The following BORCS5 variants were observed in gnomAD, a reference collection of about 807,000 sequenced individuals.
The protein encoded by BORCS5 is BLOC-1 related complex subunit 5, also known as BLOC-1-related complex subunit 5.
BORCS5 carries 17 observed loss-of-function variants against 22.1 expected under a neutral mutation model. That is an observed-to-expected ratio of 0.77 (90% confidence interval 0.53 to 1.15). BORCS5 has a LOEUF of 1.15. Ranked by LOEUF, BORCS5 falls within the 50% of genes most tolerant of loss-of-function variation. The probability of loss-of-function intolerance (pLI) is 0.00; values close to 1 mark genes in which losing one functional copy is unlikely to be tolerated. For missense variants in BORCS5, 247 were observed against 253.2 expected, an observed-to-expected ratio of 0.98 and a Z score of 0.17; for synonymous variants, 117 against 99.8, an observed-to-expected ratio of 1.17 and a Z score of -1.03.
At position 12,464,151 on chromosome 12, in the gene BORCS5, C is replaced by T. The variant is rs147194005; in HGVS notation, c.361-1395C>T. 2.9e-3 allele frequency among the ~76,000 whole-genome samples: 443 copies of T among 152,264 alleles called. 3 individuals carry two copies. The highest frequency in any genetic ancestry group is 8.8e-3 in the African/African-American group (367 of 41,562). Reference sequence around the variant, plus strand: ...AGCGCCAGACAGGGCTGCAGAGAACCCCGGAAAGTGTGCATTGTTTCCACA... The same window carrying T: ...AGCGCCAGACAGGGCTGCAGAGAACTCCGGAAAGTGTGCATTGTTTCCACA... On this transcript the variant is annotated intron_variant, in intron 3 of 3. Transcript: ENST00000314565.
chr12:12,414,942 C>G (rs1941890144), intron 2 of BORCS5, among the ~76,000 whole-genome samples: 1 of 138,822 alleles, frequency 7.2e-6, no homozygotes, highest in Non-Finnish European at 1.6e-5. Flanking sequence ...CCCCACATCT[C>G]AGACGATGGG....
intron 2 of BORCS5, among the ~76,000 whole-genome samples, chr12:12,411,104 T>C (rs1941721138): frequency 6.6e-6 from 1 of 152,208 alleles, no homozygotes; most frequent in Admixed American, 6.5e-5. Context: ...AAGTTGCTTA[T>C]CAGCTTAAGG....
At chr12:12,404,161 G>A (rs1018723505) in intron 2 of BORCS5, among the ~76,000 whole-genome samples, 1 of 152,110 alleles carries the variant, frequency 6.6e-6, no homozygotes, top group South Asian at 2.1e-4. Flanking sequence ...TTTGCTCCGG[G>A]TGAGAAATAA....
chr12:12,467,502 C>T lies in BORCS5; in HGVS notation c.*1726C>T, dbSNP rs963960619. ...CCAGCTCTCCAGCCAACTGTGTCTA[C>T]TTCTAAAGTAGAAGTTAGACAAAAC... On this transcript the variant is annotated 3_prime_UTR_variant, in exon 4 of 4. Coordinates refer to ENST00000314565, the MANE Select transcript of BORCS5 (RefSeq NM_058169.6). The T allele has an allele frequency of 2.0e-5, 3 of 152,288 alleles. No homozygotes were observed. Among genetic ancestry groups the T allele is most frequent in the Admixed American group, 1.3e-4 (2 of 15,292 alleles). The allele number at this position is 152,288 out of a possible 1,614,324, so 9.4% of individuals were successfully genotyped here. A position where few individuals can be genotyped will look rare whatever the true frequency, so the allele number is the denominator to read the frequency against.
At chr12:12,456,542 T>G (rs1348793128) in intron 3 of BORCS5, among the ~76,000 whole-genome samples, 1 of 152,242 alleles carries the variant, frequency 6.6e-6, no homozygotes, top group African/African-American at 2.4e-5. Flanking sequence ...TGAAGCACCG[T>G]ACTCTCTTGT....
At position 12,466,430 on chromosome 12, in the gene BORCS5, T is replaced by C. The variant is rs1367265517; in HGVS notation, c.*654T>C. 2.6e-5 allele frequency: 4 copies of C among 152,270 alleles called. No individual in the cohort carries two copies. The East Asian group carries it at 7.7e-4, about 29-fold the overall frequency. 9.4% of individuals were successfully genotyped at this position (152,270 alleles called of 1,614,324 possible). On this transcript the variant is annotated 3_prime_UTR_variant, in exon 4 of 4. Transcript: ENST00000314565. ...AGATTCATCTCCACTGATAACCGGT[T>C]TCCTTGATGCAGACATAGTTTAGCT...
At chr12:12,367,238 C>T in intron 2 of BORCS5, among the ~76,000 whole-genome samples, 1 of 152,248 alleles carries the variant, frequency 6.6e-6, no homozygotes. Flanking sequence ...TTCAAATGAC[C>T]AGTTTCTTCA....
chr12:12,420,042 T>G (rs112469467), intron 2 of BORCS5, among the ~76,000 whole-genome samples: 3,970 of 152,096 alleles, frequency 0.026, 79 homozygotes, highest in African/African-American at 0.053. Flanking sequence ...AGAAGCTCTT[T>G]AGTTTAATTA....
intron 2 of BORCS5, among the ~76,000 whole-genome samples, chr12:12,422,047 C>G (rs1037131995): frequency 6.6e-6 from 1 of 152,096 alleles, no homozygotes; most frequent in African/African-American, 2.4e-5. Flanking sequence ...ATGTCTCTGT[C>G]TCTTTCAGTT....
intron 2 of BORCS5, among the ~76,000 whole-genome samples, chr12:12,391,754 G>A (rs1349801888): frequency 6.6e-6 from 1 of 151,022 alleles, no homozygotes; most frequent in Non-Finnish European, 1.5e-5. Flanking sequence ...CAATACAGCT[G>A]GGTGCAGTGG....
chr12:12,401,370 G>A (rs920131664), intron 2 of BORCS5, among the ~76,000 whole-genome samples: 3 of 152,154 alleles, frequency 2.0e-5, no homozygotes, highest in Admixed American at 2.0e-4. Context: ...ACAACATCGT[G>A]CTTAGCAACC....
intron 3 of BORCS5, among the ~76,000 whole-genome samples, chr12:12,461,544 A>G (rs1943105264): frequency 6.6e-6 from 1 of 152,146 alleles, no homozygotes; most frequent in African/African-American, 2.4e-5. Context: ...TGGCTTATAC[A>G]AAATGAAAGT....
chr12:12,421,962 C>G (rs1942135578), intron 2 of BORCS5, among the ~76,000 whole-genome samples: 1 of 152,032 alleles, frequency 6.6e-6, no homozygotes, highest in African/African-American at 2.4e-5. Context: ...GTTAGTCTTG[C>G]TAGTGGTTTA....
intron 2 of BORCS5, among the ~76,000 whole-genome samples, chr12:12,407,732 G>T (rs1320410140): frequency 1.3e-5 from 2 of 148,706 alleles, no homozygotes; most frequent in Non-Finnish European, 3.0e-5. Flanking sequence ...TTGAGACAGG[G>T]CCTCACGCTG....
intron 2 of BORCS5, among the ~76,000 whole-genome samples, chr12:12,414,505 G>A (rs1214641978): frequency 1.3e-5 from 1 of 78,340 alleles, no homozygotes; most frequent in African/African-American, 6.9e-5. Flanking sequence ...CAGTAGGGGC[G>A]GCCGGGCAGA....
At chr12:12,422,397 T>C (rs1479488027) in intron 2 of BORCS5, among the ~76,000 whole-genome samples, 2 of 152,044 alleles carry the variant, frequency 1.3e-5, no homozygotes, top group Non-Finnish European at 2.9e-5. Context: ...GCAGATCACC[T>C]GAGGTCAGGC....
rs57681818 is a variant in BORCS5 at position 12,390,787 on chromosome 12, TA to T, written c.202+29451del. ...GGTGACAGAGCAAGACCCTGTCTCT[TA>T]AAAAAAAAAAAATTATGGTCAAAGC... On this transcript the variant is annotated intron_variant, in intron 2 of 3. Coordinates refer to ENST00000314565, the MANE Select transcript of BORCS5 (RefSeq NM_058169.6). Among the ~76,000 whole-genome samples the T allele has an allele frequency of 0.032, 4,636 of 146,090 alleles. 494 individuals carry two copies. The East Asian group carries it at 0.39, about 12-fold the overall frequency.
At position 12,379,119 on chromosome 12, in the gene BORCS5, T is replaced by C. The variant is rs371740453; in HGVS notation, c.202+17770T>C. 6.2e-5 allele frequency among the ~76,000 whole-genome samples: 9 copies of C among 145,844 alleles called. 1 individual carries two copies. In the South Asian group the frequency reaches 6.4e-4, roughly 10 times the overall value. ...TTCTTCTTTCTTCTTTCTTTTCTCT[T>C]TTTTTTTTTTCTTTTTGGAGGCAAA... On this transcript the variant is annotated intron_variant, in intron 2 of 3. Coordinates refer to ENST00000314565, the MANE Select transcript of BORCS5 (RefSeq NM_058169.6).
At chr12:12,420,360 G>A (rs1942082782) in intron 2 of BORCS5, among the ~76,000 whole-genome samples, 2 of 152,170 alleles carry the variant, frequency 1.3e-5, no homozygotes, top group South Asian at 4.1e-4. Flanking sequence ...GGTTGTAGAT[G>A]TGTGGTGTTA....
Sources: allele counts gnomAD v4.1 joint callset (sites outside exome capture counted in the v4.1 genomes callset), GRCh38; gene constraint gnomAD v4.1.1; transcripts MANE v1.5; gene names NCBI Gene and HGNC (gene_info 2026-07-23, HGNC 2026-07-21).